RPL11: variants seen among roughly 807,000 people sequenced by gnomAD.
RPL11 encodes the protein large ribosomal subunit protein uL5.
In RPL11, 3 loss-of-function variants were observed where a neutral mutation model predicts 24.1. The observed-to-expected ratio is 0.12, with a 90% CI of 0.06 to 0.32. The LOEUF is 0.32. RPL11 is among the 10% of genes least tolerant of loss of function. The pLI, the probability that RPL11 is intolerant of heterozygous loss-of-function variation, is 1.00. For missense variants in RPL11, 146 were observed against 225.7 expected, an observed-to-expected ratio of 0.65 and a Z score of 2.26; for synonymous variants, 96 against 75.7, an observed-to-expected ratio of 1.27 and a Z score of -1.39.
At chr1:23,692,832 G>C in intron 2 of RPL11, 73 bp downstream of exon 2, 3 of 1,592,350 alleles carry the variant, frequency 1.9e-6, no homozygotes, top group South Asian at 2.2e-5. Context: ...ACCTGCTGTC[G>C]AGTCTGTTTA....
intron 3 of RPL11, 69 bp downstream of exon 3, chr1:23,693,982 A>G: frequency 2.6e-6 from 3 of 1,134,284 alleles, no homozygotes; most frequent in South Asian, 1.2e-5. Flanking sequence ...GATAAGTTAC[A>G]TTTAATGTTC....
rs531486094 is a variant in RPL11, at chr1:23,695,512, A to G, written c.397-286A>G. 35 of 450,280 alleles carry G rather than the reference A, an allele frequency of 7.8e-5. No homozygotes were observed. The East Asian group carries it at 1.4e-3, about 18-fold the overall frequency. 27.9% of individuals were successfully genotyped at this position (450,280 alleles called of 1,614,324 possible). A position where few individuals can be genotyped will look rare whatever the true frequency, so the allele number is the denominator to read the frequency against. ...ATTTTTAAATGTTACTTTTAAAAAG[A>G]AAAATGGAGATTTGGGAGCAGTAAT... On this transcript the variant is annotated intron_variant, in intron 4 of 5. Transcript: ENST00000643754.
intron 2 of RPL11, 43 bp downstream of exon 2, chr1:23,692,802 G>A (rs756547959): frequency 4.6e-5 from 74 of 1,611,032 alleles, no homozygotes; most frequent in Non-Finnish European, 6.0e-5. Context: ...TGCTTGGGTC[G>A]CTTGGTTGTT....
At chr1:23,696,070 A>G in intron 5 of RPL11, 162 bp downstream of exon 5, 1 of 802,998 alleles carries the variant, frequency 1.2e-6, no homozygotes, top group Non-Finnish European at 2.1e-6. Context: ...GATGGTTTAA[A>G]AGAACATCCA....
chr1:23,695,985 A>G lies in RPL11; in HGVS notation c.507+77A>G, dbSNP rs1057000026. The G allele has an allele frequency of 5.2e-6, 7 of 1,338,054 alleles. No homozygotes were observed. The Admixed American group carries it at 1.4e-4, about 26-fold the overall frequency. 82.9% of individuals were successfully genotyped at this position (1,338,054 alleles called of 1,614,324 possible). ...GAGTTGGGATTTGGGGATGCAAAAT[A>G]TAGTACTATTTGCTGGGTATCTTCT... On this transcript the variant is annotated intron_variant, in intron 5 of 5. Coordinates refer to ENST00000643754, the MANE Select transcript of RPL11 (RefSeq NM_000975.5).
At chr1:23,695,639 T>C in intron 4 of RPL11, 159 bp from the exon 5 acceptor site, 2 of 717,396 alleles carry the variant, frequency 2.8e-6, no homozygotes, top group East Asian at 5.5e-5. Flanking sequence ...TTGCGTGGGA[T>C]GCTGGTGGCA....
At position 23,692,111 on chromosome 1, in the gene RPL11, A is replaced by AG. The variant is rs537924002; in HGVS notation, c.6+288dup. On this transcript the variant is annotated intron_variant, in intron 1 of 5. Transcript: ENST00000643754. Reference sequence around the variant, plus strand: ...TGGGGTGAATGGAGGGTTCTGAGGCAGGGGGGTCCGGGCCTTTTCCTGGTC... The same window carrying AG: ...TGGGGTGAATGGAGGGTTCTGAGGCAGGGGGGGTCCGGGCCTTTTCCTGGTC... The AG allele has an allele frequency of 9.5e-4, 542 of 568,010 alleles. 4 individuals carry two copies. The highest frequency in any genetic ancestry group is 9.3e-3 in the African/African-American group (494 of 53,214). The allele number at this position is 568,010 out of a possible 1,614,324, so 35.2% of individuals were successfully genotyped here.
At chr1:23,692,582 A>G (rs747415009) in intron 1 of RPL11, 27 bp from the exon 2 acceptor site, 1 of 1,614,008 alleles carries the variant, frequency 6.2e-7, no homozygotes, top group Admixed American at 1.7e-5. Context: ...CTGTGAGTGT[A>G]TTGACTGCTG....
rs960994297 is a variant in RPL11 at position 23,696,606 on chromosome 1, T to C, written c.*233T>C. The C allele has an allele frequency of 2.3e-5, 14 of 599,034 alleles. No homozygotes were observed. Among genetic ancestry groups the C allele is most frequent in the Non-Finnish European group, 3.9e-5 (13 of 334,704 alleles). The allele number at this position is 599,034 out of a possible 1,614,324, so 37.1% of individuals were successfully genotyped here. A position where few individuals can be genotyped will look rare whatever the true frequency, so the allele number is the denominator to read the frequency against. On this transcript the variant is annotated 3_prime_UTR_variant, in exon 6 of 6. Transcript: ENST00000643754. ...TTCATTGCCTGTGCTTGCCACACCT[T>C]GGTTGATGTGCTGTGGTGCAGTAGC...
chr1:23,692,451 C>T, intron 1 of RPL11, 158 bp from the exon 2 acceptor site: 1 of 873,414 alleles, frequency 1.1e-6, no homozygotes, highest in Non-Finnish European at 1.8e-6. Flanking sequence ...GAGCTGTCTT[C>T]TTCCCTTGAT....
At position 23,696,582 on chromosome 1, in the gene RPL11, T is replaced by G; in HGVS notation, c.*209T>G. On this transcript the variant is annotated 3_prime_UTR_variant, in exon 6 of 6. Transcript: ENST00000643754. ...GATCCAAGTCCAAGCTTCATAGCAT[T>G]CATTGCCTGTGCTTGCCACACCTTG... 1 of 627,848 alleles carries G rather than the reference T, an allele frequency of 1.6e-6. No homozygotes were observed. The highest frequency in any genetic ancestry group is 1.9e-5 in the South Asian group (1 of 53,904). 38.9% of individuals were successfully genotyped at this position (627,848 alleles called of 1,614,324 possible). A position where few individuals can be genotyped will look rare whatever the true frequency, so the allele number is the denominator to read the frequency against.
At chr1:23,692,898 GTC>G (rs1644510224) in intron 2 of RPL11, 139 bp downstream of exon 2, 3 of 871,710 alleles carry the variant, frequency 3.4e-6, no homozygotes, top group Non-Finnish European at 5.0e-6. Flanking sequence ...GCCAAGAGGT[GTC>G]TTTTTTTTTT....
chr1:23,692,487 A>C (rs1012326034), intron 1 of RPL11, 122 bp from the exon 2 acceptor site: 1 of 1,281,146 alleles, frequency 7.8e-7, no homozygotes, highest in Non-Finnish European at 1.1e-6. Flanking sequence ...TACCTTTTAA[A>C]CATTCAGGGT....
intron 3 of RPL11, 58 bp from the exon 4 acceptor site, chr1:23,694,602 G>GGGGGT: frequency 1.9e-6 from 3 of 1,610,032 alleles, no homozygotes; most frequent in Non-Finnish European, 1.7e-6. Context: ...ATAGTTACTT[G>GGGGGT]GGGGTGGGAG....
chr1:23,693,718 C>T, intron 2 of RPL11, 89 bp from the exon 3 acceptor site: 1 of 877,208 alleles, frequency 1.1e-6, no homozygotes, highest in South Asian at 1.4e-5. Flanking sequence ...CTTAATGTCT[C>T]TTTAAGTCAT....
intron 1 of RPL11, chr1:23,692,220 C>G (rs113305437): frequency 2.3e-5 from 10 of 428,652 alleles, no homozygotes; most frequent in African/African-American, 1.4e-4. Context: ...AGACAGCTTC[C>G]GAATAGGATG....
intron 3 of RPL11, 25 bp from the exon 4 acceptor site, chr1:23,694,635 G>A: frequency 6.2e-7 from 1 of 1,613,524 alleles, no homozygotes; most frequent in Non-Finnish European, 8.5e-7. Context: ...GACAAGGAAT[G>A]TTATTGCTGC....
chr1:23,692,538 G>T, intron 1 of RPL11, 71 bp from the exon 2 acceptor site: 1 of 1,583,964 alleles, frequency 6.3e-7, no homozygotes, highest in African/African-American at 1.3e-5. Flanking sequence ...AAAATGCTGT[G>T]CAGATAGAAA....
At chr1:23,693,942 T>C (rs749137179) in intron 3 of RPL11, 29 bp downstream of exon 3, 33 of 1,464,616 alleles carry the variant, frequency 2.3e-5, no homozygotes, top group Admixed American at 1.5e-4. Flanking sequence ...TGGAGTGATA[T>C]TGATCAGCAC....
Sources: gnomAD v4.1 joint callset for allele counts on GRCh38, gnomAD v4.1.1 for gene constraint, MANE v1.5 for transcripts, NCBI Gene and HGNC (gene_info 2026-07-23, HGNC 2026-07-21) for gene names.